FBXO47: variants seen among roughly 807,000 people sequenced by gnomAD.
FBXO47 encodes the protein F-box only protein 47.
Under a neutral mutation model 53.9 loss-of-function variants are expected in FBXO47, and 34 were observed. That is an observed-to-expected ratio of 0.63 (90% confidence interval 0.48 to 0.84). The LOEUF is 0.84. Among genes scored for constraint, FBXO47 ranks in the 40% least tolerant of loss-of-function variants. The probability of loss-of-function intolerance (pLI) is 0.00; values close to 1 mark genes in which losing one functional copy is unlikely to be tolerated. For missense variants in FBXO47, 485 were observed against 541.3 expected (o/e 0.90, Z 1.03); for synonymous variants, 165 against 181.6 (o/e 0.91, Z 0.73).
At chr17:38,946,619 T>G (rs1318875847) in intron 6 of FBXO47, among the ~76,000 whole-genome samples, 1 of 80,874 alleles carries the variant, frequency 1.2e-5, no homozygotes, top group South Asian at 4.4e-4. Flanking sequence ...TATAACTATA[T>G]AAATATATAT....
chr17:38,959,113 G>C (rs908582924), intron 3 of FBXO47, among the ~76,000 whole-genome samples: 16 of 150,892 alleles, frequency 1.1e-4, no homozygotes, highest in African/African-American at 3.7e-4. Context: ...CTATTTTTAA[G>C]GATTACAACT....
At chr17:38,962,559 T>C (rs564634240) in intron 2 of FBXO47, among the ~76,000 whole-genome samples, 2 of 151,068 alleles carry the variant, frequency 1.3e-5, no homozygotes, top group Admixed American at 1.3e-4. Flanking sequence ...TGAGCCGAGA[T>C]TACGCCACTG....
chr17:38,951,487 C>T lies in FBXO47; in HGVS notation c.616+94G>A. The stretch of plus-strand genomic sequence containing the variant: ...GGGATTTTAGGCATGAGCCACTACA[C>T]CTGGCCCAAATTACTTTTAATTACA... On this transcript the variant is annotated intron_variant, in intron 6 of 10. Transcript: ENST00000378079. The T allele has an allele frequency of 4.2e-6, 4 of 953,982 alleles. No individual in the cohort carries two copies. In the South Asian group the frequency reaches 5.3e-5, roughly 13 times the overall value. 59.1% of individuals were successfully genotyped at this position (953,982 alleles called of 1,614,324 possible).
chr17:38,945,948 AAT>A lies in FBXO47; in HGVS notation c.617-814_617-813del, dbSNP rs1555560609. On this transcript the variant is annotated intron_variant, in intron 6 of 10. Transcript: ENST00000378079. Reference sequence around the variant, plus strand: ...GAGACTCTGGCTCAAAAAAAAAAAAAATATATATATATATATAAATATATAAA... The same window carrying A: ...GAGACTCTGGCTCAAAAAAAAAAAAAATATATATATATATAAATATATAAA... Among the ~76,000 whole-genome samples the A allele has an allele frequency of 2.1e-3, 247 of 117,100 alleles. 3 individuals are homozygous for A. Among genetic ancestry groups the A allele is most frequent in the Middle Eastern group, 8.5e-3 (2 of 236 alleles). 76.8% of individuals were successfully genotyped at this position (117,100 alleles called of 152,430 possible).
At chr17:38,939,293 C>CAAAAAAAAAAAAAAA in intron 9 of FBXO47, among the ~76,000 whole-genome samples, 1 of 34,862 alleles carries the variant, frequency 2.9e-5, no homozygotes, top group Non-Finnish European at 4.4e-5. Context: ...ACTCCATCTC[C>CAAAAAAAAAAAAAAA]AAAAAAAAAA....
chr17:38,963,998 G>C (rs917566240), intron 1 of FBXO47, among the ~76,000 whole-genome samples: 2 of 151,850 alleles, frequency 1.3e-5, no homozygotes, highest in Non-Finnish European at 2.9e-5. Flanking sequence ...TGTGGAGGCA[G>C]TGTCTGCCTG....
At chr17:38,963,108 G>A in intron 1 of FBXO47, 57 bp from the exon 2 acceptor site, 1 of 1,155,368 alleles carries the variant, frequency 8.7e-7, no homozygotes, top group Non-Finnish European at 1.2e-6. Flanking sequence ...AAGCAAGAAA[G>A]AGATTTTTTT....
rs1298008777 is a variant in FBXO47, at chr17:38,961,896, C to T, written c.333G>A (p.Leu111=). The T allele has an allele frequency of 6.2e-7, 1 of 1,613,584 alleles. No individual in the cohort carries two copies. The highest frequency in any genetic ancestry group is 8.5e-7 in the Non-Finnish European group (1 of 1,179,878). ...LPDRRQDSAI[L]EHYRSLGLLF... ...AGTTACCTAGAGATCTGTAGTGCTCCAGTATAGCAGAGTCTTGTCTCCTGT... is the reference window on the plus strand; with the variant it reads ...AGTTACCTAGAGATCTGTAGTGCTCTAGTATAGCAGAGTCTTGTCTCCTGT... Residue 111 remains leucine, a synonymous_variant, in exon 3 of 11, where the codon CTG becomes CTA. Transcript: ENST00000378079.
At chr17:38,945,927 C>A (rs1175566085) in intron 6 of FBXO47, among the ~76,000 whole-genome samples, 2 of 107,848 alleles carry the variant, frequency 1.9e-5, no homozygotes, top group African/African-American at 4.1e-5. Flanking sequence ...CAGAGCGAGA[C>A]TCTGGCTCAA....
chr17:38,945,252 A>G (rs1242966070), intron 6 of FBXO47, 116 bp from the exon 7 acceptor site: 1 of 694,790 alleles, frequency 1.4e-6, no homozygotes, highest in Non-Finnish European at 2.4e-6. Flanking sequence ...CTAGGTTTCT[A>G]AACAGGAAGT....
chr17:38,947,779 G>A (rs181855545), intron 6 of FBXO47, among the ~76,000 whole-genome samples: 54 of 152,078 alleles, frequency 3.6e-4, no homozygotes, highest in Middle Eastern at 3.4e-3. Context: ...GTGTGGTGGC[G>A]GGCACCTGTA....
intron 3 of FBXO47, among the ~76,000 whole-genome samples, chr17:38,961,272 C>T (rs1381781406): frequency 2.6e-5 from 4 of 152,004 alleles, no homozygotes; most frequent in Non-Finnish European, 4.4e-5. Context: ...ATAATTAAAT[C>T]GGTGTTATTA....
rs150213274 is a variant in FBXO47 at position 38,942,693 on chromosome 17, C to T, written c.1083+85G>A. The T allele has an allele frequency of 6.1e-4, 592 of 973,108 alleles. 4 individuals are homozygous for T. The African/African-American group carries it at 8.3e-3, about 14-fold the overall frequency. 60.3% of individuals were successfully genotyped at this position (973,108 alleles called of 1,614,324 possible). On this transcript the variant is annotated intron_variant, in intron 9 of 10. Coordinates refer to ENST00000378079, the MANE Select transcript of FBXO47 (RefSeq NM_001008777.3). ...ACTCATTTTTACAAAATCTTTTGTC[C>T]ACATTTCAGTTCCTTCAGGGCAGCT...
intron 9 of FBXO47, among the ~76,000 whole-genome samples, chr17:38,941,671 C>CGT (rs1172996116): frequency 4.6e-5 from 5 of 109,458 alleles, no homozygotes; most frequent in Non-Finnish European, 9.6e-5. Context: ...TGTGTGTGTG[C>CGT]GTGTGTGTGT....
rs1169661095 is a variant in FBXO47 at position 38,943,755 on chromosome 17, G to A, written c.794-19C>T. 1.9e-6 allele frequency: 3 copies of A among 1,594,910 alleles called. No individual in the cohort carries two copies. Among genetic ancestry groups the A allele is most frequent in the East Asian group, 2.3e-5 (1 of 44,334 alleles). On this transcript the variant is annotated intron_variant, in intron 7 of 10. Coordinates refer to ENST00000378079, the MANE Select transcript of FBXO47 (RefSeq NM_001008777.3). ...ACCTGTCCTGAATTGAAACAAAAAC[G>A]AGGCTATGACAGAATAGTTGGCTTT...
intron 5 of FBXO47, 96 bp from the exon 6 acceptor site, chr17:38,951,785 C>A: frequency 1.2e-6 from 1 of 820,366 alleles, no homozygotes; most frequent in Non-Finnish European, 1.9e-6. Flanking sequence ...AATCCCAACA[C>A]TTTGGGAGGC....
chr17:38,938,823 G>T, intron 9 of FBXO47, 91 bp from the exon 10 acceptor site: 1 of 1,060,194 alleles, frequency 9.4e-7, no homozygotes, highest in Non-Finnish European at 1.3e-6. Flanking sequence ...ATTATAGTTT[G>T]TGATTTTACA....
chr17:38,948,439 T>C (rs1316804243), intron 6 of FBXO47, among the ~76,000 whole-genome samples: 1 of 151,974 alleles, frequency 6.6e-6, no homozygotes, highest in Non-Finnish European at 1.5e-5. Flanking sequence ...GGTCTCAAAC[T>C]CTTGACCTCA....
chr17:38,953,168 A>G (rs559951218), intron 5 of FBXO47, among the ~76,000 whole-genome samples: 2 of 112,886 alleles, frequency 1.8e-5, no homozygotes. Context: ...CACACACACA[A>G]AATAGCTAGG....
Sources: allele counts gnomAD v4.1 joint callset (sites outside exome capture counted in the v4.1 genomes callset), GRCh38; gene constraint gnomAD v4.1.1; transcripts MANE v1.5; gene names NCBI Gene and HGNC (gene_info 2026-07-23, HGNC 2026-07-21).